ARID5B: variants seen among roughly 807,000 people sequenced by gnomAD.
ARID5B encodes the protein AT-rich interaction domain 5B, also known as AT-rich interactive domain-containing protein 5B.
Under a neutral mutation model 97.2 loss-of-function variants are expected in ARID5B, and 13 were observed. The ratio of observed to expected loss-of-function variants is 0.13; its 90% CI spans 0.09 to 0.21. The LOEUF (loss-of-function observed/expected upper bound fraction) is 0.21. ARID5B is among the 10% of genes least tolerant of loss of function. The pLI, the probability that ARID5B is intolerant of heterozygous loss-of-function variation, is 1.00. For synonymous variants in ARID5B, 556 were observed against 570.3 expected (o/e 0.97, Z 0.36); for missense variants, 1,210 against 1,465.3 (o/e 0.83, Z 2.84).
chr10:62,062,417 G>T (rs951112905), intron 7 of ARID5B, among the ~76,000 whole-genome samples: 6 of 152,198 alleles, frequency 3.9e-5, no homozygotes, highest in African/African-American at 1.4e-4. Flanking sequence ...CTGTGGTGGG[G>T]CATGGGCCTG....
intron 8 of ARID5B, among the ~76,000 whole-genome samples, chr10:62,082,208 A>G (rs1162322066): frequency 6.6e-6 from 1 of 152,220 alleles, no homozygotes; most frequent in Non-Finnish European, 1.5e-5. Context: ...ATTTTTTAAT[A>G]CATAATGGCT....
chr10:61,952,450 G>A (rs1401848199), intron 3 of ARID5B, among the ~76,000 whole-genome samples: 1 of 152,018 alleles, frequency 6.6e-6, no homozygotes, highest in Non-Finnish European at 1.5e-5. Flanking sequence ...TTTTTCATGT[G>A]TTTATCTTAT....
At chr10:62,027,464 A>G (rs1296301499) in intron 4 of ARID5B, among the ~76,000 whole-genome samples, 2 of 150,552 alleles carry the variant, frequency 1.3e-5, no homozygotes, top group Non-Finnish European at 3.0e-5. Flanking sequence ...GCCCACCACC[A>G]TGCCTGGCTA....
rs548245791 is a variant in ARID5B, at chr10:61,902,425, G to A, written c.276+12G>A. 1.9e-6 allele frequency: 3 copies of A among 1,611,962 alleles called. No homozygotes were observed. The highest frequency in any genetic ancestry group is 4.5e-5 in the East Asian group (2 of 44,830). ...GCGACCATGGCGAGGTGGTAAACCT[G>A]TCTGTCCCCCTCTTCTTTCTTTATT... On this transcript the variant is annotated intron_variant, in intron 2 of 9. Coordinates refer to ENST00000279873, the MANE Select transcript of ARID5B (RefSeq NM_032199.3).
At chr10:62,010,428 G>A (rs961439726) in intron 4 of ARID5B, among the ~76,000 whole-genome samples, 1 of 152,202 alleles carries the variant, frequency 6.6e-6, no homozygotes, top group Non-Finnish European at 1.5e-5. Flanking sequence ...CCTTGAGGGG[G>A]TAAGAATCAA....
At chr10:61,903,810 T>G (rs1050686484) in intron 2 of ARID5B, among the ~76,000 whole-genome samples, 4 of 151,942 alleles carry the variant, frequency 2.6e-5, no homozygotes, top group African/African-American at 9.7e-5. Context: ...TCTATGCCGG[T>G]TAATTACTGG....
intron 3 of ARID5B, among the ~76,000 whole-genome samples, chr10:61,954,288 T>G (rs1169929764): frequency 2.0e-5 from 3 of 150,378 alleles, no homozygotes; most frequent in Admixed American, 6.6e-5. Context: ...ACCTGGGGGG[T>G]GGGGGTTGCA....
chr10:62,029,787 T>G (rs771356240), intron 4 of ARID5B, among the ~76,000 whole-genome samples: 1 of 152,242 alleles, frequency 6.6e-6, no homozygotes, highest in Non-Finnish European at 1.5e-5. Flanking sequence ...TGTATCAAAG[T>G]CAATATTAAT....
intron 2 of ARID5B, among the ~76,000 whole-genome samples, chr10:61,931,531 G>T (rs1844209829): frequency 6.6e-6 from 1 of 152,156 alleles, no homozygotes; most frequent in Admixed American, 6.5e-5. Context: ...TAAAACCTTT[G>T]CTTTGTGAAA....
chr10:61,909,326 T>TG (rs1843760874), intron 2 of ARID5B, among the ~76,000 whole-genome samples: 1 of 138,200 alleles, frequency 7.2e-6, no homozygotes. Flanking sequence ...GAGTTTTTTT[T>TG]TTTTTTTTTT....
intron 4 of ARID5B, among the ~76,000 whole-genome samples, chr10:62,040,779 A>T (rs1839626501): frequency 1.3e-5 from 2 of 152,320 alleles, no homozygotes; most frequent in South Asian, 4.1e-4. Flanking sequence ...TTGGAGATCC[A>T]GTGTGTATTT....
Position 62,094,598 on chromosome 10 carries a change from G to A in ARID5B, c.*1568G>A. ...GCTGCTCAGGCAGTGAAAAGATGTG[G>A]AGAATGTCCGTTGTCATTCTTGCCA... On this transcript the variant is annotated 3_prime_UTR_variant, in exon 10 of 10. Coordinates refer to ENST00000279873, the MANE Select transcript of ARID5B (RefSeq NM_032199.3). 1 of 231,302 alleles carries A rather than the reference G, an allele frequency of 4.3e-6. No homozygotes were observed. Among genetic ancestry groups the A allele is most frequent in the East Asian group, 6.1e-5 (1 of 16,362 alleles). The allele number at this position is 231,302 out of a possible 1,614,324, so 14.3% of individuals were successfully genotyped here.
chr10:61,909,932 A>G (rs1210943863), intron 2 of ARID5B, among the ~76,000 whole-genome samples: 1 of 152,246 alleles, frequency 6.6e-6, no homozygotes. Flanking sequence ...TTAATTTTCC[A>G]GTCTCAGCAG....
chr10:62,033,573 T>A (rs1040340400), intron 4 of ARID5B, among the ~76,000 whole-genome samples: 3 of 152,338 alleles, frequency 2.0e-5, no homozygotes, highest in African/African-American at 7.2e-5. Flanking sequence ...GGTGCTTACC[T>A]CTGTGCTAAG....
At chr10:62,079,529 C>A (rs774183807) in intron 8 of ARID5B, among the ~76,000 whole-genome samples, 12 of 152,150 alleles carry the variant, frequency 7.9e-5, no homozygotes, top group Non-Finnish European at 4.4e-5. Context: ...CTCTACCTTC[C>A]CACCTTGCTT....
intron 5 of ARID5B, 178 bp downstream of exon 5, chr10:62,051,178 G>A (rs950470323): frequency 2.9e-6 from 2 of 687,726 alleles, no homozygotes; most frequent in African/African-American, 3.6e-5. Context: ...TCCCCTGGTT[G>A]CCGTGGGCTG....
At chr10:62,037,460 G>A (rs995081402) in intron 4 of ARID5B, among the ~76,000 whole-genome samples, 1 of 152,126 alleles carries the variant, frequency 6.6e-6, no homozygotes, top group African/African-American at 2.4e-5. Context: ...CTGCGAAATC[G>A]GCATAAGATG....
intron 9 of ARID5B, 148 bp downstream of exon 9, chr10:62,086,048 T>A: frequency 2.4e-6 from 2 of 841,376 alleles, no homozygotes; most frequent in Non-Finnish European, 3.7e-6. Context: ...GTTCCCCACA[T>A]AGTTCCCCAG....
intron 2 of ARID5B, among the ~76,000 whole-genome samples, chr10:61,903,505 G>A (rs989209397): frequency 6.6e-6 from 1 of 152,088 alleles, no homozygotes; most frequent in African/African-American, 2.4e-5. Flanking sequence ...TGTGCCCACG[G>A]CGCAGCGGGG....
Sources: allele counts gnomAD v4.1 joint callset (sites outside exome capture counted in the v4.1 genomes callset), GRCh38; gene constraint gnomAD v4.1.1; transcripts MANE v1.5; gene names NCBI Gene and HGNC (gene_info 2026-07-23, HGNC 2026-07-21).